FAM228B: variants seen among roughly 807,000 people sequenced by gnomAD.
FAM228B encodes the protein family with sequence similarity 228 member B, also known as protein FAM228B.
FAM228B carries 38 observed loss-of-function variants against 42.6 expected under a neutral mutation model. The observed-to-expected ratio is 0.89, with a 90% CI of 0.69 to 1.17. The LOEUF (loss-of-function observed/expected upper bound fraction) is 1.17, where lower values mean the gene tolerates loss of function less well. Among genes scored for constraint, FAM228B ranks in the 50% most tolerant of loss-of-function variants. The pLI is 0.00. For missense variants in FAM228B, 344 were observed against 367.3 expected (o/e 0.94, Z 0.52); for synonymous variants, 109 against 122.3 (o/e 0.89, Z 0.72).
chr2:24,113,052 G>A (rs1665824088), intron 3 of FAM228B, among the ~76,000 whole-genome samples: 1 of 152,140 alleles, frequency 6.6e-6, no homozygotes, highest in South Asian at 2.1e-4. Context: ...CATTTATCAT[G>A]TGGTCATGTG....
At chr2:24,078,350 A>C (rs1263919682) in intron 1 of FAM228B, among the ~76,000 whole-genome samples, 2 of 152,168 alleles carry the variant, frequency 1.3e-5, no homozygotes, top group African/African-American at 4.8e-5. Flanking sequence ...AGCCTGGGCA[A>C]CATGGTGAAA....
intron 7 of FAM228B, among the ~76,000 whole-genome samples, chr2:24,147,915 C>G (rs1367751715): frequency 1.3e-5 from 1 of 78,002 alleles, no homozygotes; most frequent in Non-Finnish European, 3.0e-5. Flanking sequence ...TTTTGCCTTG[C>G]CTTTTTTTTT....
chr2:24,136,410 G>C (rs370403585), intron 3 of FAM228B, among the ~76,000 whole-genome samples: 3 of 152,196 alleles, frequency 2.0e-5, no homozygotes, highest in East Asian at 3.8e-4. Context: ...TTTTAGTAGA[G>C]ACGTGGTTTC....
At chr2:24,154,157 C>T (rs924301847) in intron 7 of FAM228B, among the ~76,000 whole-genome samples, 3 of 152,158 alleles carry the variant, frequency 2.0e-5, no homozygotes, top group African/African-American at 4.8e-5. Flanking sequence ...GAAGTTAAAA[C>T]GAGGTACTGT....
chr2:24,163,729 C>T (rs1441920575), intron 8 of FAM228B, among the ~76,000 whole-genome samples: 1 of 152,252 alleles, frequency 6.6e-6, no homozygotes, highest in East Asian at 1.9e-4. Context: ...GCGAGACCCA[C>T]GTGTGAAGGA....
upstream of FAM228B, among the ~76,000 whole-genome samples, chr2:24,120,283 CAACAAAACAAAACAA>C (rs558516591): frequency 1.3e-5 from 2 of 150,848 alleles, no homozygotes; most frequent in Admixed American, 6.6e-5. Context: ...AAAAAAACAA[CAACAAAACAAAACAA>C]AACAAAACAA....
intron 2 of FAM228B, chr2:24,087,293 C>G (rs1344447115): frequency 6.6e-6 from 1 of 152,136 alleles, no homozygotes; most frequent in East Asian, 1.9e-4. Flanking sequence ...GTTGCCCAGG[C>G]TGATCATGAA....
Position 24,137,828 on chromosome 2 carries a change from T to C in FAM228B, c.169-81T>C, listed in dbSNP as rs1485752974. The C allele has an allele frequency of 6.6e-6, 6 of 904,510 alleles. No homozygotes were observed. The Admixed American group carries it at 1.6e-4, about 24-fold the overall frequency. The allele number at this position is 904,510 out of a possible 1,614,324, so 56.0% of individuals were successfully genotyped here. A position where few individuals can be genotyped will look rare whatever the true frequency, so the allele number is the denominator to read the frequency against. On this transcript the variant is annotated intron_variant, in intron 3 of 10. Coordinates refer to ENST00000615575, the MANE Select transcript of FAM228B (RefSeq NM_001145710.2). ...GTTATTCTTAGGAGTAATTTAAACTTATGAAGTTTAAGTTTTGGAAAATTT... is the reference window on the plus strand; with the variant it reads ...GTTATTCTTAGGAGTAATTTAAACTCATGAAGTTTAAGTTTTGGAAAATTT...
intron 7 of FAM228B, among the ~76,000 whole-genome samples, chr2:24,156,894 G>A (rs1042235581): frequency 1.3e-5 from 2 of 151,380 alleles, no homozygotes; most frequent in Non-Finnish European, 2.9e-5. Flanking sequence ...GTTTGGGTTT[G>A]GATGGTTCTT....
In FAM228B at chr2:24,145,627, C is replaced by T. The variant is rs577349205; in HGVS notation, c.442-1121C>T. On this transcript the variant is annotated intron_variant, in intron 5 of 10. Transcript: ENST00000615575. ...ACTCTCCAGCAGCAGAGTCCAATGT[C>T]ATTTAAAATTTGATCTGCTCTTCAT... is the stretch of plus-strand genomic sequence containing the variant. 2.6e-5 allele frequency among the ~76,000 whole-genome samples: 4 copies of T among 152,094 alleles called. No individual in the cohort carries two copies. The South Asian group carries it at 6.2e-4, about 24-fold the overall frequency.
At chr2:24,135,798 C>T (rs1475753385) in intron 3 of FAM228B, among the ~76,000 whole-genome samples, 2 of 152,188 alleles carry the variant, frequency 1.3e-5, no homozygotes, top group East Asian at 1.9e-4. Context: ...TCCTAGTAGT[C>T]ACATGACTTT....
intron 2 of FAM228B, among the ~76,000 whole-genome samples, chr2:24,133,330 C>G (rs903241711): frequency 1.3e-5 from 2 of 152,132 alleles, no homozygotes; most frequent in African/African-American, 4.8e-5. Flanking sequence ...GGAAGGGCAA[C>G]TCTATGAGGC....
chr2:24,154,949 A>G (rs1038923070), intron 7 of FAM228B, among the ~76,000 whole-genome samples: 2 of 152,224 alleles, frequency 1.3e-5, no homozygotes, highest in Non-Finnish European at 2.9e-5. Flanking sequence ...AATGTTACAT[A>G]AGACAGAAAT....
chr2:24,087,842 T>G (rs955114942), intron 2 of FAM228B, among the ~76,000 whole-genome samples: 9 of 148,490 alleles, frequency 6.1e-5, no homozygotes, highest in Non-Finnish European at 1.3e-4. Flanking sequence ...CTCGGCTCCC[T>G]GCAATCCTCT....
chr2:24,148,202 G>C (rs1666941391), intron 7 of FAM228B, among the ~76,000 whole-genome samples: 1 of 152,140 alleles, frequency 6.6e-6, no homozygotes, highest in South Asian at 2.1e-4. Context: ...ATTTTCTCAA[G>C]TGTTTCTGCT....
chr2:24,141,586 A>G (rs1666748066), intron 5 of FAM228B, among the ~76,000 whole-genome samples: 1 of 149,098 alleles, frequency 6.7e-6, no homozygotes, highest in Admixed American at 6.7e-5. Context: ...CACCATGTTG[A>G]TCAGGCTGGT....
At chr2:24,094,874 CT>C (rs1423476225) in intron 2 of FAM228B, among the ~76,000 whole-genome samples, 14 of 152,286 alleles carry the variant, frequency 9.2e-5, no homozygotes, top group African/African-American at 3.4e-4. Flanking sequence ...GCGCAGATCA[CT>C]TGAGTTCAGG....
intron 2 of FAM228B, among the ~76,000 whole-genome samples, chr2:24,094,157 A>G (rs770113064): frequency 3.6e-4 from 53 of 148,020 alleles, no homozygotes; most frequent in Admixed American, 8.3e-4. Context: ...CTCCTGCCCC[A>G]GCCTCCTGAA....
intron 3 of FAM228B, chr2:24,115,534 C>T (rs1312231362): frequency 6.5e-7 from 1 of 1,544,572 alleles, no homozygotes; most frequent in South Asian, 1.1e-5. Context: ...TTAGGCTCTT[C>T]AATTTTCTTC....
Sources: gnomAD v4.1 joint callset for allele counts (sites outside exome capture counted in the v4.1 genomes callset) on GRCh38, gnomAD v4.1.1 for gene constraint, MANE v1.5 for transcripts, NCBI Gene and HGNC (gene_info 2026-07-23, HGNC 2026-07-21) for gene names.